MINPP1: variants seen among roughly 807,000 people sequenced by gnomAD.
The protein encoded by MINPP1 is multiple inositol polyphosphate phosphatase 1.
Under a neutral mutation model 46.1 loss-of-function variants are expected in MINPP1, and 28 were observed. The observed-to-expected ratio is 0.61, with a 90% CI of 0.45 to 0.83. The LOEUF is 0.83. MINPP1 is among the 40% of genes least tolerant of loss of function. The probability of loss-of-function intolerance (pLI) is 0.00; values close to 1 mark genes in which losing one functional copy is unlikely to be tolerated. For synonymous variants in MINPP1, 268 were observed against 249.1 expected, an observed-to-expected ratio of 1.08 and a Z score of -0.72; for missense variants, 603 against 610.0, an observed-to-expected ratio of 0.99 and a Z score of 0.12.
chr10:87,525,401 G>A (rs1465113879), intron 4 of MINPP1, among the ~76,000 whole-genome samples: 3 of 152,172 alleles, frequency 2.0e-5, no homozygotes, highest in African/African-American at 7.2e-5. Context: ...GGTTCTTTGT[G>A]ACAGGCTTTT....
chr10:87,543,547 C>T (rs1031101028), intron 4 of MINPP1, among the ~76,000 whole-genome samples: 8 of 152,060 alleles, frequency 5.3e-5, no homozygotes, highest in African/African-American at 1.4e-4. Flanking sequence ...CCCAGCTACT[C>T]AGGGGCAGAG....
intron 4 of MINPP1, among the ~76,000 whole-genome samples, chr10:87,539,083 G>C (rs1456126909): frequency 6.6e-6 from 1 of 152,148 alleles, no homozygotes; most frequent in African/African-American, 2.4e-5. Context: ...AAAAGGAGGG[G>C]TGTAATTTGG....
chr10:87,549,152 A>G (rs915182767), intron 4 of MINPP1, among the ~76,000 whole-genome samples: 7 of 152,190 alleles, frequency 4.6e-5, no homozygotes, highest in Admixed American at 3.9e-4. Context: ...TAAGGCAGTA[A>G]AAAAAGGGGG....
intron 3 of MINPP1, among the ~76,000 whole-genome samples, chr10:87,520,057 A>AGTGTGT (rs141533495): frequency 2.0e-4 from 30 of 147,470 alleles, no homozygotes; most frequent in South Asian, 4.4e-4. Flanking sequence ...TAAAAGGTAT[A>AGTGTGT]GTGTGTGTGT....
Position 87,545,149 on chromosome 10 carries a change from C to A in MINPP1, c.1068-6933C>A, listed in dbSNP as rs1245203153. Among the ~76,000 whole-genome samples, 4 of 152,012 alleles carry A rather than the reference C, an allele frequency of 2.6e-5. 1 individual carries two copies. Among genetic ancestry groups the A allele is most frequent in the Admixed American group, 2.6e-4 (4 of 15,258 alleles). On this transcript the variant is annotated intron_variant, in intron 4 of 4. Coordinates refer to ENST00000371996, the MANE Select transcript of MINPP1 (RefSeq NM_004897.5). ...CTCCTTAGGGTTTCAGTTTTATGAA[C>A]CCTATGTCCTCCTTAAGGTTTCAGG...
intron 4 of MINPP1, among the ~76,000 whole-genome samples, chr10:87,523,281 A>G (rs1851528313): frequency 6.6e-6 from 1 of 152,164 alleles, no homozygotes; most frequent in Non-Finnish European, 1.5e-5. Flanking sequence ...TAAAGGCATC[A>G]CTGTCTATGA....
At chr10:87,506,355 C>A (rs1176888597) in intron 1 of MINPP1, among the ~76,000 whole-genome samples, 1 of 152,014 alleles carries the variant, frequency 6.6e-6, no homozygotes, top group Non-Finnish European at 1.5e-5. Flanking sequence ...TAGAATGGTT[C>A]TTTTTCTCTT....
At chr10:87,523,285 T>C (rs1297540503) in intron 4 of MINPP1, among the ~76,000 whole-genome samples, 1 of 152,200 alleles carries the variant, frequency 6.6e-6, no homozygotes, top group Non-Finnish European at 1.5e-5. Context: ...GGCATCACTG[T>C]CTATGACAGC....
chr10:87,529,609 C>T (rs570071457), intron 4 of MINPP1, among the ~76,000 whole-genome samples: 3,258 of 152,190 alleles, frequency 0.021, 125 homozygotes, highest in African/African-American at 0.075. Context: ...GTGGGTAACC[C>T]GACCTTTCTC....
At chr10:87,517,789 G>A (rs2131810947) in intron 3 of MINPP1, among the ~76,000 whole-genome samples, 1 of 152,248 alleles carries the variant, frequency 6.6e-6, no homozygotes, top group African/African-American at 2.4e-5. Context: ...AGCCTCCTGA[G>A]TAGCTGGGAC....
intron 1 of MINPP1, among the ~76,000 whole-genome samples, chr10:87,506,059 A>G (rs1411051158): frequency 6.8e-6 from 1 of 147,866 alleles, no homozygotes; most frequent in East Asian, 2.0e-4. Flanking sequence ...TTTTCAGATG[A>G]CAGTTTTAGA....
rs777981745 is a variant in MINPP1, at chr10:87,552,352, T to G, written c.1338T>G (p.Ala446=). Residue 446 remains alanine (A), a synonymous_variant, in exon 5 of 5, where the codon GCT becomes GCG. Coordinates refer to ENST00000371996, the MANE Select transcript of MINPP1 (RefSeq NM_004897.5). ...MLLNEKVLPL[A]YSQETVSFYE... ...TAAATGAAAAGGTGTTACCTTTGGC[T>G]TACTCACAAGAAACTGTTTCATTTT... is the stretch of plus-strand genomic sequence containing the variant. 9 of 1,613,646 alleles carry G rather than the reference T, an allele frequency of 5.6e-6. No homozygotes were observed. The highest frequency in any genetic ancestry group is 3.3e-5 in the Admixed American group (2 of 59,940).
intron 4 of MINPP1, among the ~76,000 whole-genome samples, chr10:87,531,168 C>T (rs996507027): frequency 3.9e-5 from 6 of 152,192 alleles, no homozygotes; most frequent in Admixed American, 1.3e-4. Context: ...GGCGATGCCC[C>T]GTCCTGCTTT....
At chr10:87,543,396 G>A (rs966211159) in intron 4 of MINPP1, among the ~76,000 whole-genome samples, 1 of 152,162 alleles carries the variant, frequency 6.6e-6, no homozygotes. Context: ...GCTCATGCCT[G>A]TTAATTCCAG....
chr10:87,541,903 C>G (rs1280932098), intron 4 of MINPP1, among the ~76,000 whole-genome samples: 1 of 152,160 alleles, frequency 6.6e-6, no homozygotes, highest in Non-Finnish European at 1.5e-5. Flanking sequence ...CCCACCAGGC[C>G]CTACCTCCAA....
intron 1 of MINPP1, 44 bp from the exon 2 acceptor site, chr10:87,508,292 A>C (rs1480777913): frequency 1.2e-6 from 2 of 1,603,320 alleles, no homozygotes; most frequent in South Asian, 2.2e-5. Flanking sequence ...ACTGTCATTT[A>C]TGTCAGTGAT....
At chr10:87,508,668 CA>C in intron 2 of MINPP1, 135 bp downstream of exon 2, 13 of 866,158 alleles carry the variant, frequency 1.5e-5, no homozygotes, top group South Asian at 3.3e-5. Flanking sequence ...TGTTCTGGGT[CA>C]AAAAAATTGT....
chr10:87,542,515 G>T (rs1036081955), intron 4 of MINPP1, among the ~76,000 whole-genome samples: 1 of 152,126 alleles, frequency 6.6e-6, no homozygotes. Context: ...GGCCAGGTTG[G>T]TCTTAACCTC....
rs755119877 is a variant in MINPP1, at chr10:87,504,947, C to T, written c.32C>T (p.Thr11Ile). 1 of 1,611,660 alleles carries T rather than the reference C, an allele frequency of 6.2e-7. No homozygotes were observed. The highest frequency in any genetic ancestry group is 1.1e-5 in the South Asian group (1 of 90,886). MLRAPGCLLR[T>I]SVAPAAALAA... ...CGCGCGCCCGGCTGCCTCCTCCGGA[C>T]CTCCGTAGCGCCTGCCGCGGCCCTG... Residue 11 changes from threonine to isoleucine, a missense_variant, in exon 1 of 5, where the codon ACC becomes ATC. Thr to Ile is a moderately conservative substitution (Grantham distance 89, BLOSUM62 -1). Coordinates refer to ENST00000371996, the MANE Select transcript of MINPP1 (RefSeq NM_004897.5).
Sources: allele counts gnomAD v4.1 joint callset (sites outside exome capture counted in the v4.1 genomes callset), GRCh38; gene constraint gnomAD v4.1.1; transcripts MANE v1.5; gene names NCBI Gene and HGNC (gene_info 2026-07-23, HGNC 2026-07-21).